Variants in SH3GLB1 observed in about 807,000 individuals in gnomAD.
SH3GLB1 encodes SH3 domain containing GRB2 like, endophilin B1, also known as endophilin-B1.
In SH3GLB1, 17 loss-of-function variants were observed where a neutral mutation model predicts 42.0. That is an observed-to-expected ratio of 0.40 (90% CI 0.28 to 0.61). SH3GLB1 has a LOEUF of 0.61. SH3GLB1 is among the 20% of genes least tolerant of loss of function. The pLI is 0.36. For synonymous variants in SH3GLB1, 132 were observed against 146.6 expected, an observed-to-expected ratio of 0.90 and a Z score of 0.72; for missense variants, 355 against 426.3, an observed-to-expected ratio of 0.83 and a Z score of 1.47.
At position 86,705,086 on chromosome 1, in the gene SH3GLB1, GC is replaced by G. The variant is rs1266388105; in HGVS notation, c.72+117del. 5 of 663,116 alleles carry G rather than the reference GC, an allele frequency of 7.5e-6. No individual in the cohort carries two copies. In the Admixed American group the frequency reaches 1.9e-4, roughly 25 times the overall value. The allele number at this position is 663,116 out of a possible 1,614,324, so 41.1% of individuals were successfully genotyped here. Reference sequence around the variant, plus strand: ...CCGACCACCCAGCGGGCCTGCTGCAGCCAGAGGCCTGGGAGATGGGCGCGGC... The same window carrying G: ...CCGACCACCCAGCGGGCCTGCTGCAGCAGAGGCCTGGGAGATGGGCGCGGC... On this transcript the variant is annotated intron_variant, in intron 1 of 8. Coordinates refer to ENST00000370558, the MANE Select transcript of SH3GLB1 (RefSeq NM_016009.5).
rs1656288498 is a variant in SH3GLB1, at chr1:86,746,172, C to T, written c.*2937C>T. On this transcript the variant is annotated 3_prime_UTR_variant, in exon 9 of 9. Coordinates refer to ENST00000370558, the MANE Select transcript of SH3GLB1 (RefSeq NM_016009.5). ...AGTCATCTTCATAGTCTCCTGTTAT[C>T]CTCCCCCTGAACAAAGAACAAAGTG... 1.3e-5 allele frequency: 2 copies of T among 152,690 alleles called. No individual in the cohort carries two copies. Among genetic ancestry groups the T allele is most frequent in the South Asian group, 4.2e-4 (2 of 4,816 alleles). 9.5% of individuals were successfully genotyped at this position (152,690 alleles called of 1,614,324 possible).
intron 7 of SH3GLB1, among the ~76,000 whole-genome samples, chr1:86,735,389 A>G (rs1655732919): frequency 6.6e-6 from 1 of 152,214 alleles, no homozygotes; most frequent in Non-Finnish European, 1.5e-5. Context: ...GGGATGAGAA[A>G]AAGTGAATAC....
chr1:86,708,088 A>G (rs978476391), intron 1 of SH3GLB1, among the ~76,000 whole-genome samples: 1 of 152,226 alleles, frequency 6.6e-6, no homozygotes, highest in African/African-American at 2.4e-5. Context: ...GACATTTTCC[A>G]TAATACTTTT....
intron 1 of SH3GLB1, among the ~76,000 whole-genome samples, chr1:86,707,473 T>C (rs1343279355): frequency 1.3e-5 from 2 of 152,098 alleles, no homozygotes; most frequent in Non-Finnish European, 2.9e-5. Context: ...CTGTGAGGTA[T>C]GAGAGAAAGA....
chr1:86,715,959 AT>A, intron 2 of SH3GLB1, 94 bp downstream of exon 2: 2 of 1,331,382 alleles, frequency 1.5e-6, no homozygotes, highest in Non-Finnish European at 2.0e-6. Context: ...AAAACATAGG[AT>A]TTTTTTATTG....
intron 1 of SH3GLB1, among the ~76,000 whole-genome samples, chr1:86,706,306 A>T (rs1653864033): frequency 6.6e-6 from 1 of 152,232 alleles, no homozygotes; most frequent in Non-Finnish European, 1.5e-5. Context: ...GCCTAGAGAG[A>T]CCTTAAAAAT....
Position 86,745,019 on chromosome 1 carries a change from A to G in SH3GLB1, c.*1784A>G, listed in dbSNP as rs553102258. On this transcript the variant is annotated 3_prime_UTR_variant, in exon 9 of 9. Coordinates refer to ENST00000370558, the MANE Select transcript of SH3GLB1 (RefSeq NM_016009.5). ...CCTAGAGTACCATCTATTGTGTTTT[A>G]TAAGTCCAGATTTAGGCTTTGAAAG... is the stretch of plus-strand genomic sequence containing the variant. 3 of 152,314 alleles carry G rather than the reference A, an allele frequency of 2.0e-5. No individual in the cohort carries two copies. Among genetic ancestry groups the G allele is most frequent in the East Asian group, 1.9e-4 (1 of 5,186 alleles). The allele number at this position is 152,314 out of a possible 1,614,324, so 9.4% of individuals were successfully genotyped here.
Position 86,735,073 on chromosome 1 carries a change from T to G in SH3GLB1, c.661-6T>G. ...GCTAAGAACTAACTATAATTTTCCT[T>G]CACAGGCCCATCACCTTCGCTGTCT... On this transcript the variant is annotated splice_region_variant and splice_polypyrimidine_tract_variant and intron_variant, in intron 6 of 8. Coordinates refer to ENST00000370558, the MANE Select transcript of SH3GLB1 (RefSeq NM_016009.5). 1 of 1,610,334 alleles carries G rather than the reference T, an allele frequency of 6.2e-7. No individual in the cohort carries two copies. Among genetic ancestry groups the G allele is most frequent in the Non-Finnish European group, 8.5e-7 (1 of 1,176,868 alleles).
In SH3GLB1 at chr1:86,743,239, GGTGGACT is replaced by G. The variant is rs1656148092; in HGVS notation, c.*5_*11del. ...CTACTTAGAACTGCTCAATTAAGTA[GGTGGACT>G]ATGGAAAGGTTGCCCATCATGACTT... On this transcript the variant is annotated 3_prime_UTR_variant, in exon 9 of 9. Coordinates refer to ENST00000370558, the MANE Select transcript of SH3GLB1 (RefSeq NM_016009.5). The G allele has an allele frequency of 6.3e-7, 1 of 1,582,512 alleles. No individual in the cohort carries two copies. Among genetic ancestry groups the G allele is most frequent in the African/African-American group, 1.4e-5 (1 of 73,334 alleles).
intron 1 of SH3GLB1, among the ~76,000 whole-genome samples, chr1:86,713,870 A>G (rs1054330044): frequency 1.3e-5 from 2 of 152,190 alleles, no homozygotes; most frequent in Non-Finnish European, 2.9e-5. Context: ...TTATTTATCT[A>G]TTGTCTGTCT....
Position 86,709,998 on chromosome 1 carries a change from G to A in SH3GLB1, c.72+5027G>A, listed in dbSNP as rs506715. 6.6e-3 allele frequency among the ~76,000 whole-genome samples: 1,000 copies of A among 152,204 alleles called. 7 individuals are homozygous for A. The highest frequency in any genetic ancestry group is 9.7e-3 in the Non-Finnish European group (663 of 68,008). ...CTATTTCTTTTACAGAATTCACACC[G>A]TGACAACTTCACCATGTTTCTTAAA... On this transcript the variant is annotated intron_variant, in intron 1 of 8. Transcript: ENST00000370558.
At chr1:86,707,167 T>G (rs909075924) in intron 1 of SH3GLB1, among the ~76,000 whole-genome samples, 1 of 152,222 alleles carries the variant, frequency 6.6e-6, no homozygotes, top group Admixed American at 6.5e-5. Context: ...AGATGGTGGT[T>G]GTTAATATCT....
Position 86,743,413 on chromosome 1 carries a change from A to G in SH3GLB1, c.*178A>G, listed in dbSNP as rs866879507. 3.4e-5 allele frequency: 13 copies of G among 385,884 alleles called. No homozygotes were observed. Among genetic ancestry groups the G allele is most frequent in the Middle Eastern group, 6.8e-4 (1 of 1,480 alleles). 23.9% of individuals were successfully genotyped at this position (385,884 alleles called of 1,614,324 possible). A position where few individuals can be genotyped will look rare whatever the true frequency, so the allele number is the denominator to read the frequency against. ...TGGTAAATATTTCATTACAGAATTT[A>G]TGTTAGAGCTTTCATGCCAAGAATG... On this transcript the variant is annotated 3_prime_UTR_variant, in exon 9 of 9. Transcript: ENST00000370558.
chr1:86,732,653 A>G (rs905998110), intron 5 of SH3GLB1, among the ~76,000 whole-genome samples: 4 of 152,160 alleles, frequency 2.6e-5, no homozygotes, highest in African/African-American at 9.7e-5. Flanking sequence ...AAGCTTTGTA[A>G]CATGGTGCCT....
chr1:86,741,038 G>T (rs1376225426), intron 7 of SH3GLB1, among the ~76,000 whole-genome samples: 2 of 152,174 alleles, frequency 1.3e-5, no homozygotes, highest in Non-Finnish European at 2.9e-5. Flanking sequence ...ATGTGCTATA[G>T]TTGAATAACA....
At chr1:86,710,081 ACT>A (rs1214261467) in intron 1 of SH3GLB1, among the ~76,000 whole-genome samples, 1 of 152,030 alleles carries the variant, frequency 6.6e-6, no homozygotes, top group Non-Finnish European at 1.5e-5. Flanking sequence ...TTATATAAAA[ACT>A]CTACATGTTT....
At chr1:86,713,766 T>C (rs986982683) in intron 1 of SH3GLB1, among the ~76,000 whole-genome samples, 3 of 152,200 alleles carry the variant, frequency 2.0e-5, no homozygotes, top group Non-Finnish European at 4.4e-5. Flanking sequence ...GAATTCTTTC[T>C]CTGTACTTGG....
At chr1:86,705,960 C>T (rs1653840288) in intron 1 of SH3GLB1, among the ~76,000 whole-genome samples, 1 of 152,218 alleles carries the variant, frequency 6.6e-6, no homozygotes, top group African/African-American at 2.4e-5. Context: ...CTTTCCTTGC[C>T]TTTGCCCCAA....
At chr1:86,715,319 C>T (rs1654454554) in intron 1 of SH3GLB1, among the ~76,000 whole-genome samples, 1 of 152,170 alleles carries the variant, frequency 6.6e-6, no homozygotes, top group Non-Finnish European at 1.5e-5. Context: ...ATACATTGCT[C>T]AGCTCACACA....
Sources: allele counts gnomAD v4.1 joint callset (sites outside exome capture counted in the v4.1 genomes callset), GRCh38; gene constraint gnomAD v4.1.1; transcripts MANE v1.5; gene names NCBI Gene and HGNC (gene_info 2026-07-23, HGNC 2026-07-21).